FSTL4: variants seen among roughly 807,000 people sequenced by gnomAD.
FSTL4 encodes follistatin-related protein 4.
Under a neutral mutation model 78.2 loss-of-function variants are expected in FSTL4, and 28 were observed. The ratio of observed to expected loss-of-function variants is 0.36; its 90% confidence interval spans 0.27 to 0.49. FSTL4 has a LOEUF of 0.49. Among genes scored for constraint, FSTL4 ranks in the 20% least tolerant of loss-of-function variants. FSTL4 has a pLI of 0.98. For synonymous variants in FSTL4, 422 were observed against 440.5 expected, an observed-to-expected ratio of 0.96 and a Z score of 0.53; for missense variants, 922 against 1,084.9, an observed-to-expected ratio of 0.85 and a Z score of 2.11.
chr5:133,574,442 T>C (rs962878399), intron 2 of FSTL4, among the ~76,000 whole-genome samples: 2 of 152,236 alleles, frequency 1.3e-5, no homozygotes, highest in Non-Finnish European at 2.9e-5. Context: ...GATAAAGGTA[T>C]TCCTTCCTGC....
chr5:133,672,561 A>G, the FSTL4 span, among the ~76,000 whole-genome samples: 1 of 152,382 alleles, frequency 6.6e-6, no homozygotes, highest in Admixed American at 6.5e-5. Context: ...GGACAAGACC[A>G]ACAGTGCTAA....
intron 1 of FSTL4, among the ~76,000 whole-genome samples, chr5:133,604,423 T>G (rs1471734700): frequency 6.6e-6 from 1 of 152,008 alleles, no homozygotes; most frequent in African/African-American, 2.4e-5. Context: ...AAACTATGAT[T>G]ATGGCTGGGC....
chr5:133,303,095 C>G (rs1268419190), intron 6 of FSTL4, among the ~76,000 whole-genome samples: 1 of 152,216 alleles, frequency 6.6e-6, no homozygotes. Flanking sequence ...GCGTTTGTTA[C>G]TGTATAGCCC....
At chr5:133,660,346 C>G in the FSTL4 span, among the ~76,000 whole-genome samples, 5 of 152,106 alleles carry the variant, frequency 3.3e-5, no homozygotes, top group Non-Finnish European at 7.4e-5. Flanking sequence ...CAAGGGAAAC[C>G]CAGCCCGGTC....
the FSTL4 span, among the ~76,000 whole-genome samples, chr5:133,721,817 TC>T: frequency 1.3e-5 from 2 of 152,216 alleles, no homozygotes; most frequent in Non-Finnish European, 2.9e-5. Context: ...GATGTTCATA[TC>T]GCTCTGAAAA....
At chr5:133,643,909 A>G in the FSTL4 span, among the ~76,000 whole-genome samples, 1 of 152,180 alleles carries the variant, frequency 6.6e-6, no homozygotes, top group African/African-American at 2.4e-5. Flanking sequence ...AACAGCATGC[A>G]AAGAAGACAT....
At chr5:133,207,780 T>G (rs1287106704) in intron 14 of FSTL4, 1 of 152,192 alleles carries the variant, frequency 6.6e-6, no homozygotes, top group Non-Finnish European at 1.5e-5. Context: ...ATCAAGTAGC[T>G]AGGACTACAG....
the FSTL4 span, among the ~76,000 whole-genome samples, chr5:133,652,106 C>T: frequency 6.6e-6 from 1 of 152,068 alleles, no homozygotes; most frequent in Non-Finnish European, 1.5e-5. Context: ...AATGTCCCCT[C>T]TTTCATTTCT....
chr5:133,742,449 G>C, the FSTL4 span, among the ~76,000 whole-genome samples: 4 of 152,326 alleles, frequency 2.6e-5, no homozygotes, highest in South Asian at 8.3e-4. Context: ...GGAAACAAAA[G>C]CTATTTTCAA....
At chr5:133,733,386 G>C in the FSTL4 span, among the ~76,000 whole-genome samples, 12 of 152,088 alleles carry the variant, frequency 7.9e-5, no homozygotes, top group Admixed American at 5.2e-4. Context: ...CTAGACATTG[G>C]GTACCTCCTG....
At chr5:133,401,731 C>T (rs1489817187) in intron 3 of FSTL4, among the ~76,000 whole-genome samples, 1 of 152,076 alleles carries the variant, frequency 6.6e-6, no homozygotes, top group African/African-American at 2.4e-5. Context: ...TGCCAGTGGG[C>T]CCTGCAAAGG....
chr5:133,472,374 A>G (rs1160851277), intron 3 of FSTL4, among the ~76,000 whole-genome samples: 1 of 152,236 alleles, frequency 6.6e-6, no homozygotes, highest in East Asian at 1.9e-4. Flanking sequence ...CCAAGAAAGG[A>G]AATTCAGGAT....
At chr5:133,722,922 C>T in the FSTL4 span, among the ~76,000 whole-genome samples, 6 of 152,114 alleles carry the variant, frequency 3.9e-5, no homozygotes, top group African/African-American at 4.8e-5. Flanking sequence ...AGTTTGTGGC[C>T]ATGATGGTGG....
intron 6 of FSTL4, among the ~76,000 whole-genome samples, chr5:133,282,256 T>C (rs2126859967): frequency 6.6e-6 from 1 of 152,256 alleles, no homozygotes; most frequent in South Asian, 2.1e-4. Flanking sequence ...TGTGCCCTTC[T>C]GTGGGCACAC....
intron 1 of FSTL4, among the ~76,000 whole-genome samples, chr5:133,607,763 T>C (rs572258731): frequency 5.7e-4 from 87 of 152,176 alleles, no homozygotes; most frequent in African/African-American, 1.9e-3. Context: ...GCTACTCTCC[T>C]CCTCATGGCT....
At position 133,199,413 on chromosome 5, in the gene FSTL4, C is replaced by T. The variant is rs754608313; in HGVS notation, c.2211G>A (p.Leu737=). ...DLQINSGISD[L]AFQRSFTESN... ...TTTCAGTGAAGGAGCGCTGGAAGGCCAAGTCTGAGATGCCCGAGTTTATTT... is the reference window on the plus strand; with the variant it reads ...TTTCAGTGAAGGAGCGCTGGAAGGCTAAGTCTGAGATGCCCGAGTTTATTT... The change falls in exon 16 of 16, where the codon TTG becomes TTA. Residue 737 remains leucine, a synonymous_variant. Transcript: ENST00000265342. The surrounding 1 kb of genome is among the most constrained non-coding windows in gnomAD (Gnocchi z 4.4). 15 of 1,614,168 alleles carry T rather than the reference C, an allele frequency of 9.3e-6. No homozygotes were observed. In the Admixed American group the frequency reaches 2.5e-4, roughly 27 times the overall value.
At chr5:133,622,479 C>G in the FSTL4 span, among the ~76,000 whole-genome samples, 1 of 152,014 alleles carries the variant, frequency 6.6e-6, no homozygotes, top group East Asian at 1.9e-4. Flanking sequence ...AAATGTTACA[C>G]GAAAAAGCCA....
At chr5:133,573,010 T>G (rs530888251) in intron 2 of FSTL4, among the ~76,000 whole-genome samples, 3 of 151,912 alleles carry the variant, frequency 2.0e-5, no homozygotes, top group Non-Finnish European at 4.4e-5. Context: ...TTTGGGAGGC[T>G]GAGGCAGGTG....
rs1187069574 is a variant in FSTL4, at chr5:133,233,503, T to A, written c.929A>T (p.Lys310Met). Residue 310 changes from lysine to methionine, a missense_variant, in exon 8 of 16, where the codon AAG becomes ATG. Lys to Met is a moderately conservative substitution (Grantham distance 95, BLOSUM62 -1). Transcript: ENST00000265342. ...ATTGCCCATGTGGATGGTGGTCACC[T>A]TGGTGATGTACAGGGAATCATCCTC... ...FGEDDSLYIT[K>M]VTTIHMGNYT... The A allele has an allele frequency of 6.2e-7, 1 of 1,614,164 alleles. No individual in the cohort carries two copies.
Sources: allele counts gnomAD v4.1 joint callset (sites outside exome capture counted in the v4.1 genomes callset), GRCh38; gene constraint gnomAD v4.1.1; non-coding constraint Gnocchi (gnomAD v3.1); transcripts MANE v1.5; gene names NCBI Gene and HGNC (gene_info 2026-07-23, HGNC 2026-07-21).